MACROD2: variants seen among roughly 807,000 people sequenced by gnomAD.
The protein encoded by MACROD2 is mono-ADP ribosylhydrolase 2.
MACROD2 carries 36 observed loss-of-function variants against 70.4 expected under a neutral mutation model. The observed-to-expected ratio is 0.51, with a 90% CI of 0.39 to 0.68. MACROD2 has a LOEUF of 0.68. Ranked by LOEUF, MACROD2 falls within the 30% of genes least tolerant of loss-of-function variation. The pLI is 0.00. For synonymous variants in MACROD2, 172 were observed against 178.8 expected, an observed-to-expected ratio of 0.96 and a Z score of 0.30; for missense variants, 496 against 538.4, an observed-to-expected ratio of 0.92 and a Z score of 0.78.
At chr20:14,301,933 TTCTTTGGA>T (rs2082478497) in intron 3 of MACROD2, among the ~76,000 whole-genome samples, 1 of 152,098 alleles carries the variant, frequency 6.6e-6, no homozygotes, top group Admixed American at 6.5e-5. Flanking sequence ...TTGATTTCCT[TTCTTTGGA>T]TTAAATCTTT....
intron 6 of MACROD2, among the ~76,000 whole-genome samples, chr20:15,372,090 A>G (rs933675557): frequency 1.3e-5 from 2 of 152,238 alleles, no homozygotes; most frequent in African/African-American, 4.8e-5. Flanking sequence ...GCAGTTCTAT[A>G]TTATGAATAT....
intron 5 of MACROD2, among the ~76,000 whole-genome samples, chr20:14,987,169 G>C: frequency 6.6e-6 from 1 of 152,078 alleles, no homozygotes; most frequent in East Asian, 1.9e-4. Flanking sequence ...AGTAGTAGCA[G>C]TATTTCTAGC....
At chr20:14,780,407 A>G (rs1792232738) in intron 5 of MACROD2, among the ~76,000 whole-genome samples, 2 of 151,982 alleles carry the variant, frequency 1.3e-5, no homozygotes, top group South Asian at 4.1e-4. Context: ...TACAAAAAAT[A>G]CAAACTTAGT....
intron 5 of MACROD2, among the ~76,000 whole-genome samples, chr20:14,957,036 A>G (rs1056116984): frequency 1.3e-5 from 2 of 152,176 alleles, no homozygotes; most frequent in African/African-American, 2.4e-5. Flanking sequence ...ACAATAAGCA[A>G]TAATACTCAT....
At chr20:15,100,913 A>G (rs966203084) in intron 5 of MACROD2, among the ~76,000 whole-genome samples, 17 of 152,164 alleles carry the variant, frequency 1.1e-4, no homozygotes, top group African/African-American at 4.1e-4. Context: ...TTTGAGAGGC[A>G]GAAAATGAGT....
At chr20:14,010,340 C>T (rs1196395952) in intron 2 of MACROD2, among the ~76,000 whole-genome samples, 5 of 151,694 alleles carry the variant, frequency 3.3e-5, no homozygotes, top group Non-Finnish European at 5.9e-5. Context: ...ATTGAATAGG[C>T]TTAGGAGGAT....
intron 5 of MACROD2, among the ~76,000 whole-genome samples, chr20:15,037,032 T>G (rs2123015113): frequency 6.6e-6 from 1 of 152,218 alleles, no homozygotes; most frequent in South Asian, 2.1e-4. Flanking sequence ...ATTGGTCTTT[T>G]TATGAGACTA....
intron 3 of MACROD2, among the ~76,000 whole-genome samples, chr20:14,143,749 C>T (rs2054907623): frequency 6.6e-6 from 1 of 152,040 alleles, no homozygotes; most frequent in African/African-American, 2.4e-5. Flanking sequence ...GAGTAAGAGA[C>T]TTATGATTTT....
intron 7 of MACROD2, among the ~76,000 whole-genome samples, chr20:15,456,345 A>G (rs146608025): frequency 5.3e-5 from 8 of 152,256 alleles, no homozygotes; most frequent in Non-Finnish European, 1.2e-4. Context: ...CTTCCACGCA[A>G]GCAGTTTGGA....
chr20:14,523,295 A>T (rs2085191653), intron 4 of MACROD2: 1 of 152,130 alleles, frequency 6.6e-6, no homozygotes, highest in South Asian at 2.1e-4. Flanking sequence ...TGTGTTCTCC[A>T]CACCAAGGGG....
chr20:14,505,641 C>T (rs1282008909), intron 4 of MACROD2, among the ~76,000 whole-genome samples: 1 of 152,196 alleles, frequency 6.6e-6, no homozygotes, highest in Admixed American at 6.5e-5. Context: ...ACACAGATTA[C>T]TGGGCCTTAT....
intron 6 of MACROD2, among the ~76,000 whole-genome samples, chr20:15,357,763 A>T (rs1186084250): frequency 6.6e-6 from 1 of 151,906 alleles, no homozygotes; most frequent in African/African-American, 2.4e-5. Context: ...CTATCAAGGT[A>T]AAAATGATGA....
At chr20:14,646,823 G>A (rs572417186) in intron 4 of MACROD2, among the ~76,000 whole-genome samples, 19 of 152,104 alleles carry the variant, frequency 1.2e-4, no homozygotes, top group Non-Finnish European at 2.5e-4. Flanking sequence ...TGAAGGTACT[G>A]TATAATTGTA....
At chr20:15,659,822 A>G (rs1316778374) in intron 8 of MACROD2, among the ~76,000 whole-genome samples, 2 of 152,148 alleles carry the variant, frequency 1.3e-5, no homozygotes, top group Non-Finnish European at 2.9e-5. Context: ...TGTGATGGAG[A>G]AGGTTACAGG....
intron 8 of MACROD2, among the ~76,000 whole-genome samples, chr20:15,848,230 A>G (rs1388633750): frequency 6.6e-6 from 1 of 151,980 alleles, no homozygotes; most frequent in Admixed American, 6.6e-5. Flanking sequence ...TCCCATGCAA[A>G]TGTACCAATA....
intron 6 of MACROD2, among the ~76,000 whole-genome samples, chr20:15,326,190 T>G (rs1021995976): frequency 6.6e-6 from 1 of 152,128 alleles, no homozygotes; most frequent in African/African-American, 2.4e-5. Flanking sequence ...TTGGTTACTT[T>G]GGAAATGTCT....
chr20:15,810,068 T>C (rs192675516), intron 8 of MACROD2, among the ~76,000 whole-genome samples: 1,958 of 142,734 alleles, frequency 0.014, 55 homozygotes, highest in African/African-American at 0.048. Flanking sequence ...CCTGTGTCCA[T>C]GTGTTCTCAT....
At chr20:14,800,137 C>T (rs2072556672) in intron 5 of MACROD2, among the ~76,000 whole-genome samples, 1 of 151,444 alleles carries the variant, frequency 6.6e-6, no homozygotes, top group African/African-American at 2.4e-5. Context: ...TTCTTGATTT[C>T]TATGACTTCA....
chr20:14,435,491 G>A (rs2084046080), intron 3 of MACROD2, among the ~76,000 whole-genome samples: 1 of 152,040 alleles, frequency 6.6e-6, no homozygotes, highest in East Asian at 1.9e-4. Flanking sequence ...CATAGTGGAG[G>A]TATGATATAA....
Sources: gnomAD v4.1 joint callset for allele counts (sites outside exome capture counted in the v4.1 genomes callset) on GRCh38, gnomAD v4.1.1 for gene constraint, MANE v1.5 for transcripts, NCBI Gene and HGNC (gene_info 2026-07-23, HGNC 2026-07-21) for gene names.